Variants in MYOM3 observed in about 807,000 individuals in gnomAD.
MYOM3 encodes the protein myomesin-3.
A neutral mutation model predicts 191.7 loss-of-function variants in MYOM3; 155 were observed. That is an observed-to-expected ratio of 0.81 (90% CI 0.71 to 0.92). The LOEUF (loss-of-function observed/expected upper bound fraction) is 0.92, where lower values mean the gene tolerates loss of function less well. Among genes scored for constraint, MYOM3 ranks in the 40% least tolerant of loss-of-function variants. The pLI is 0.00. For missense variants in MYOM3, 1,889 were observed against 1,890.6 expected (o/e 1.00, Z 0.02); for synonymous variants, 757 against 762.9 (o/e 0.99, Z 0.13).
intron 4 of MYOM3, among the ~76,000 whole-genome samples, chr1:24,106,340 C>A (rs936135204): frequency 6.6e-6 from 1 of 152,092 alleles, no homozygotes; most frequent in African/African-American, 2.4e-5. Context: ...GAGATGATAA[C>A]AAAATCCCTC....
chr1:24,110,574 C>T (rs907524082), intron 1 of MYOM3, among the ~76,000 whole-genome samples: 3 of 152,042 alleles, frequency 2.0e-5, no homozygotes, highest in Non-Finnish European at 4.4e-5. Context: ...ACCCCTTCTA[C>T]TTCCTAGAAG....
rs1403321999 is a variant in MYOM3, at chr1:24,063,986, A to T, written c.3622+86T>A. 3.5e-5 allele frequency: 34 copies of T among 976,328 alleles called. No individual in the cohort carries two copies. Among genetic ancestry groups the T allele is most frequent in the Non-Finnish European group, 5.4e-5 (34 of 634,468 alleles). The allele number at this position is 976,328 out of a possible 1,614,324, so 60.5% of individuals were successfully genotyped here. A position where few individuals can be genotyped will look rare whatever the true frequency, so the allele number is the denominator to read the frequency against. On this transcript the variant is annotated intron_variant, in intron 30 of 36. Coordinates refer to ENST00000374434, the MANE Select transcript of MYOM3 (RefSeq NM_152372.4). This position sits in a 1 kb window ranked among gnomAD's most constrained non-coding sequence, Gnocchi z 4.5. ...CTCAATTTCTCCAAGTGACATGGGG[A>T]TCCCATAAATCTTACTGCACAGATC...
intron 29 of MYOM3, among the ~76,000 whole-genome samples, chr1:24,064,569 C>T (rs543523654): frequency 6.6e-5 from 10 of 152,338 alleles, no homozygotes; most frequent in African/African-American, 2.2e-4. Context: ...CCTGCAGTTC[C>T]CCAGGAGGAA....
At position 24,089,653 on chromosome 1, in the gene MYOM3, A is replaced by T. The variant is rs200021174; in HGVS notation, c.1499T>A (p.Ile500Asn). ...STDAFEDTVT[I>N]PSPPTNVHAS... ...ATGGACATTGGTTGGCGGTGAGGGG[A>T]TGGTCACAGTATCTGAAATCAGAGT... Residue 500 changes from isoleucine to asparagine, a missense_variant, in exon 14 of 37, where the codon ATC becomes AAC. By Grantham distance (149) the Ile-to-Asn change is moderately radical. Coordinates refer to ENST00000374434, the MANE Select transcript of MYOM3 (RefSeq NM_152372.4). 39 of 1,584,988 alleles carry T rather than the reference A, an allele frequency of 2.5e-5. No homozygotes were observed. The East Asian group carries it at 7.7e-4, about 31-fold the overall frequency.
intron 3 of MYOM3, among the ~76,000 whole-genome samples, chr1:24,107,611 G>A (rs1054272664): frequency 5.3e-5 from 8 of 152,160 alleles, no homozygotes; most frequent in Non-Finnish European, 1.0e-4. Flanking sequence ...GCCGAACGCT[G>A]CCTCTCCACG....
Position 24,057,554 on chromosome 1 carries a change from A to G in MYOM3, c.4124T>C (p.Val1375Ala), listed in dbSNP as rs1200410095. 1 of 1,614,158 alleles carries G rather than the reference A, an allele frequency of 6.2e-7. No individual in the cohort carries two copies. Among genetic ancestry groups the G allele is most frequent in the Non-Finnish European group, 8.5e-7 (1 of 1,179,998 alleles). ...CATGCGGTATCGGTCAAGGAAGGTG[A>G]CAGGCTGGTCATTCTTCAGCCAAGA... ...EISWLKNDQP[V>A]TFLDRYRMEV... Residue 1375 changes from valine (V) to alanine (A), a missense_variant, in exon 37 of 37, where the codon GTC becomes GCC. Val to Ala is a moderately conservative substitution (Grantham distance 64). Coordinates refer to ENST00000374434, the MANE Select transcript of MYOM3 (RefSeq NM_152372.4).
intron 11 of MYOM3, 65 bp from the exon 12 acceptor site, chr1:24,091,061 C>T (rs1643816243): frequency 6.5e-7 from 1 of 1,542,660 alleles, no homozygotes. Flanking sequence ...ATGTGAGCCT[C>T]TACAAGGGCC....
chr1:24,067,471 CTTTA>C (rs1643465200), intron 27 of MYOM3, among the ~76,000 whole-genome samples: 1 of 138,178 alleles, frequency 7.2e-6, no homozygotes, highest in Admixed American at 7.6e-5. Context: ...TTCTTTCTTT[CTTTA>C]TTTTTGAGAC....
chr1:24,084,535 T>C lies in MYOM3; in HGVS notation c.1903A>G (p.Ile635Val). 6.2e-7 allele frequency: 1 copy of C among 1,614,170 alleles called. No homozygotes were observed. Among genetic ancestry groups the C allele is most frequent in the Non-Finnish European group, 8.5e-7 (1 of 1,180,030 alleles). ...VKDPELLGYYIYSRKVGTSEW... is the reference protein window; with the variant it reads ...VKDPELLGYYVYSRKVGTSEW... ...GATGTCCCCACCTTCCGGGAGTAGA[T>C]GTAATAACCCAGGAGCTCTGGGTCT... Residue 635 changes from isoleucine to valine, a missense_variant, in exon 16 of 37, where the codon ATC becomes GTC. Coordinates refer to ENST00000374434, the MANE Select transcript of MYOM3 (RefSeq NM_152372.4).
chr1:24,093,436 T>C (rs929521453), intron 9 of MYOM3, among the ~76,000 whole-genome samples: 4 of 151,820 alleles, frequency 2.6e-5, no homozygotes, highest in Non-Finnish European at 2.9e-5. Flanking sequence ...GATGGGTCCC[T>C]GTATGGGGTC....
At chr1:24,060,707 C>T (rs1643359867) in intron 35 of MYOM3, among the ~76,000 whole-genome samples, 1 of 152,180 alleles carries the variant, frequency 6.6e-6, no homozygotes, top group Non-Finnish European at 1.5e-5. Flanking sequence ...CGATGAGGCT[C>T]CAATACCTCG....
chr1:24,089,181 T>C (rs1401142976), intron 14 of MYOM3, among the ~76,000 whole-genome samples: 1 of 152,116 alleles, frequency 6.6e-6, no homozygotes, highest in Non-Finnish European at 1.5e-5. Context: ...CCTCCCAACA[T>C]AGTCCCACCA....
intron 33 of MYOM3, 142 bp from the exon 34 acceptor site, chr1:24,061,451 AG>A: frequency 1.2e-6 from 1 of 813,212 alleles, no homozygotes. Flanking sequence ...GGGCAGTGGC[AG>A]GACTGCGTGG....
intron 7 of MYOM3, among the ~76,000 whole-genome samples, chr1:24,096,273 A>C (rs1384273205): frequency 6.6e-6 from 1 of 152,162 alleles, no homozygotes; most frequent in African/African-American, 2.4e-5. Flanking sequence ...GGCCACTAAA[A>C]TCACCCAAGT....
chr1:24,080,109 C>A lies in MYOM3; in HGVS notation c.2493G>T (p.Gly831=). 6.2e-7 allele frequency: 1 copy of A among 1,614,152 alleles called. No individual in the cohort carries two copies. Among genetic ancestry groups the A allele is most frequent in the Non-Finnish European group, 8.5e-7 (1 of 1,180,012 alleles). The change falls in exon 20 of 37, where the codon GGG becomes GGT. Residue 831 remains glycine (G), a synonymous_variant. Transcript: ENST00000374434. Reference sequence around the variant, plus strand: ...AACTGACGTGATAGCCTGTGACAGGCCCAGCCCCCATATACAGTGGGGGTT... The same window carrying A: ...AACTGACGTGATAGCCTGTGACAGGACCAGCCCCCATATACAGTGGGGGTT... ...QWEPPLYMGA[G]PVTGYHVSFQ...
rs1384783443 is a variant in MYOM3, at chr1:24,066,870, G to A, written c.3423+151C>T. ...GGGTTTGCTTTTTGGGTTACGTGTGGTCTCCTCGGGGGTACTTTCTGTGTG... is the reference window on the plus strand; with the variant it reads ...GGGTTTGCTTTTTGGGTTACGTGTGATCTCCTCGGGGGTACTTTCTGTGTG... On this transcript the variant is annotated intron_variant, in intron 28 of 36. Transcript: ENST00000374434. The A allele has an allele frequency of 2.1e-5, 14 of 675,968 alleles. No individual in the cohort carries two copies. The South Asian group carries it at 2.8e-4, about 13-fold the overall frequency. 41.9% of individuals were successfully genotyped at this position (675,968 alleles called of 1,614,324 possible).
chr1:24,057,539 CGGTCAA>C lies in MYOM3; in HGVS notation c.4133_4138del (p.Leu1378_Asp1379del). 1 of 1,614,146 alleles carries C rather than the reference CGGTCAA, an allele frequency of 6.2e-7. No individual in the cohort carries two copies. Among genetic ancestry groups the C allele is most frequent in the Non-Finnish European group, 8.5e-7 (1 of 1,180,000 alleles). ...TGTCCCCCTCACTTCCATGCGGTATCGGTCAAGGAAGGTGACAGGCTGGTCATTCTT... is the reference window on the plus strand; with the variant it reads ...TGTCCCCCTCACTTCCATGCGGTATCGGAAGGTGACAGGCTGGTCATTCTT... On this transcript the variant is annotated inframe_deletion, in exon 37 of 37. Coordinates refer to ENST00000374434, the MANE Select transcript of MYOM3 (RefSeq NM_152372.4).
intron 21 of MYOM3, 147 bp downstream of exon 21, chr1:24,076,012 T>C (rs1487170494): frequency 1.6e-6 from 1 of 621,660 alleles, no homozygotes; most frequent in Non-Finnish European, 2.9e-6. Context: ...TGTGGGATGA[T>C]GACCCCTCCC....
rs1380007917 is a variant in MYOM3, at chr1:24,082,171, A to C, written c.2110T>G (p.Tyr704Asp). 1 of 1,611,928 alleles carries C rather than the reference A, an allele frequency of 6.2e-7. No individual in the cohort carries two copies. The highest frequency in any genetic ancestry group is 1.7e-5 in the Admixed American group (1 of 59,824). The change falls in exon 18 of 37, where the codon TAT (tyrosine) becomes GAT (aspartate). Residue 704 changes from tyrosine to aspartate, a missense_variant. Physicochemically the swap from Tyr to Asp is radical, Grantham distance 160 (BLOSUM62 -3). Transcript: ENST00000374434. Reference sequence around the variant, plus strand: ...CCGCAGTTCAGGAGGGCAAAGCCATATGGGGCAGACGGGGTAGCTACAGGG... The same window carrying C: ...CCGCAGTTCAGGAGGGCAAAGCCATCTGGGGCAGACGGGGTAGCTACAGGG... ...KQALATPSAP[Y>D]GFALLNCGKN... is the part of the protein sequence containing the mutation.
Sources: gnomAD v4.1 joint callset for allele counts (sites outside exome capture counted in the v4.1 genomes callset) on GRCh38, gnomAD v4.1.1 for gene constraint, Gnocchi (gnomAD v3.1) non-coding constraint, MANE v1.5 for transcripts, NCBI Gene and HGNC (gene_info 2026-07-23, HGNC 2026-07-21) for gene names.